The following XNDC1N variants were observed in gnomAD, a reference collection of about 807,000 sequenced individuals.
The protein encoded by XNDC1N is protein XNDC1N.
chr11:71,886,215 G>C, the XNDC1N span, among the ~76,000 whole-genome samples: 1 of 152,038 alleles, frequency 6.6e-6, no homozygotes, highest in Admixed American at 6.5e-5. Flanking sequence ...ATACCGAAAA[G>C]CCACAAGCCC....
At chr11:71,870,307 G>A in the XNDC1N span, among the ~76,000 whole-genome samples, 7 of 152,220 alleles carry the variant, frequency 4.6e-5, no homozygotes, top group Non-Finnish European at 8.8e-5. Context: ...GGTGGGTTCC[G>A]TTGACTGGCT....
the XNDC1N span, among the ~76,000 whole-genome samples, chr11:71,890,824 G>T: frequency 2.6e-5 from 4 of 152,146 alleles, no homozygotes; most frequent in South Asian, 6.2e-4. Context: ...ACAATATCAG[G>T]AAGGGATGTA....
the XNDC1N span, among the ~76,000 whole-genome samples, chr11:71,913,235 T>G: frequency 2.6e-5 from 4 of 151,622 alleles, no homozygotes; most frequent in East Asian, 1.9e-4. Context: ...TTAGGAAGAG[T>G]ATCACAGGGG....
At chr11:71,883,933 T>C in the XNDC1N span, among the ~76,000 whole-genome samples, 1 of 152,190 alleles carries the variant, frequency 6.6e-6, no homozygotes, top group East Asian at 1.9e-4. Context: ...CAACCAAAGA[T>C]AGCTTTTCCA....
chr11:71,880,680 T>C, the XNDC1N span, among the ~76,000 whole-genome samples: 2 of 152,174 alleles, frequency 1.3e-5, no homozygotes. Flanking sequence ...ACTGTCTTTG[T>C]TGTATTCCAT....
At chr11:71,891,861 T>C in the XNDC1N span, among the ~76,000 whole-genome samples, 1 of 151,946 alleles carries the variant, frequency 6.6e-6, no homozygotes, top group Non-Finnish European at 1.5e-5. Context: ...ACAGGCCATT[T>C]GGAACAATAT....
chr11:71,893,436 T>C, the XNDC1N span: 1 of 714,800 alleles, frequency 1.4e-6, no homozygotes, highest in East Asian at 2.7e-5. Context: ...TTTCCAATCC[T>C]CTTTCCTTCT....
chr11:71,888,026 G>C, the XNDC1N span, among the ~76,000 whole-genome samples: 3 of 152,160 alleles, frequency 2.0e-5, no homozygotes, highest in African/African-American at 7.2e-5. Flanking sequence ...GGAGGCGTGG[G>C]CTCGAGACCT....
At chr11:71,869,298 G>A in the XNDC1N span, among the ~76,000 whole-genome samples, 2,139 of 152,074 alleles carry the variant, frequency 0.014, 54 homozygotes, top group African/African-American at 0.05. Flanking sequence ...GAGAACATGT[G>A]GTGTTTGGTT....
the XNDC1N span, among the ~76,000 whole-genome samples, chr11:71,925,237 G>C: frequency 2.6e-5 from 4 of 151,942 alleles, no homozygotes; most frequent in African/African-American, 9.7e-5. Context: ...CAAATTGTAA[G>C]CTCTCGGCGG....
At chr11:71,886,727 G>T in the XNDC1N span, among the ~76,000 whole-genome samples, 1 of 152,172 alleles carries the variant, frequency 6.6e-6, no homozygotes, top group Non-Finnish European at 1.5e-5. Context: ...TTGCAGGGAT[G>T]AATCCATCCC....
chr11:71,871,220 T>C, the XNDC1N span, among the ~76,000 whole-genome samples: 4 of 152,206 alleles, frequency 2.6e-5, no homozygotes, highest in Non-Finnish European at 5.9e-5. Flanking sequence ...AACTTTTTTA[T>C]TTGCAGCAAC....
chr11:71,867,771 G>T, the XNDC1N span, among the ~76,000 whole-genome samples: 1 of 152,154 alleles, frequency 6.6e-6, no homozygotes, highest in African/African-American at 2.4e-5. Flanking sequence ...TTCTGTTGTT[G>T]GGTGGACTGT....
chr11:71,873,740 C>T, the XNDC1N span, among the ~76,000 whole-genome samples: 3 of 152,066 alleles, frequency 2.0e-5, no homozygotes, highest in Non-Finnish European at 4.4e-5. Context: ...AAAAAAATAT[C>T]GGAGAAATAT....
the XNDC1N span, among the ~76,000 whole-genome samples, chr11:71,889,906 G>C: frequency 6.6e-6 from 1 of 152,154 alleles, no homozygotes; most frequent in African/African-American, 2.4e-5. Flanking sequence ...AGTAACCCCT[G>C]TGCTTCTTCG....
chr11:71,895,003 G>T, the XNDC1N span, among the ~76,000 whole-genome samples: 1 of 152,076 alleles, frequency 6.6e-6, no homozygotes, highest in East Asian at 1.9e-4. Flanking sequence ...GATCCATGTC[G>T]CCATTCTTCA....
At chr11:71,909,354 C>A in the XNDC1N span, among the ~76,000 whole-genome samples, 1 of 151,580 alleles carries the variant, frequency 6.6e-6, no homozygotes, top group Admixed American at 6.6e-5. Context: ...GGAAGGGAGG[C>A]CCTGGGAAAG....
the XNDC1N span, among the ~76,000 whole-genome samples, chr11:71,913,095 G>A: frequency 6.6e-6 from 1 of 151,988 alleles, no homozygotes; most frequent in East Asian, 1.9e-4. Context: ...ATTATAGGAG[G>A]GGTGTACACC....
the XNDC1N span, among the ~76,000 whole-genome samples, chr11:71,866,554 A>C: frequency 6.6e-6 from 1 of 152,196 alleles, no homozygotes; most frequent in African/African-American, 2.4e-5. Context: ...GGCCGAGGTC[A>C]GGAGTTCAAG....
Sources: allele counts gnomAD v4.1 joint callset (sites outside exome capture counted in the v4.1 genomes callset), GRCh38; gene constraint gnomAD v4.1.1; transcripts MANE v1.5; gene names NCBI Gene and HGNC (gene_info 2026-07-23, HGNC 2026-07-21).